AUH: variants seen among roughly 807,000 people sequenced by gnomAD.
AUH encodes the protein AU RNA binding methylglutaconyl-CoA hydratase.
Under a neutral mutation model 42.3 loss-of-function variants are expected in AUH, and 29 were observed. The observed-to-expected ratio is 0.69, with a 90% CI of 0.51 to 0.93. The LOEUF is 0.93. Ranked by LOEUF, AUH falls within the 40% of genes least tolerant of loss-of-function variation. The pLI, the probability that AUH is intolerant of heterozygous loss-of-function variation, is 0.00. For missense variants in AUH, 452 were observed against 438.1 expected (o/e 1.03, Z -0.28); for synonymous variants, 174 against 166.4 (o/e 1.05, Z -0.35).
chr9:91,301,265 T>C (rs763957998), intron 4 of AUH, among the ~76,000 whole-genome samples: 6 of 152,228 alleles, frequency 3.9e-5, no homozygotes, highest in Non-Finnish European at 5.9e-5. Context: ...GGCCGTGATA[T>C]TATGAAATAC....
chr9:91,239,870 T>C (rs1828407585), intron 6 of AUH, among the ~76,000 whole-genome samples: 2 of 152,204 alleles, frequency 1.3e-5, no homozygotes, highest in East Asian at 3.9e-4. Context: ...TGGATTATGG[T>C]AGAGAAGCCT....
intron 8 of AUH, among the ~76,000 whole-genome samples, chr9:91,216,438 C>CGACA (rs1257771533): frequency 7.7e-6 from 1 of 130,670 alleles, no homozygotes; most frequent in East Asian, 3.4e-4. Context: ...CTTTATGTCG[C>CGACA]GACACACACA....
intron 6 of AUH, among the ~76,000 whole-genome samples, chr9:91,292,842 A>G (rs1468138970): frequency 1.3e-5 from 2 of 152,144 alleles, no homozygotes. Flanking sequence ...CACAGATACT[A>G]CATTTTTACA....
At chr9:91,351,074 ACT>A (rs1353351748) in intron 3 of AUH, among the ~76,000 whole-genome samples, 1 of 151,054 alleles carries the variant, frequency 6.6e-6, no homozygotes, top group African/African-American at 2.4e-5. Flanking sequence ...AGCTCATGCG[ACT>A]CTCCCACCTA....
intron 6 of AUH, among the ~76,000 whole-genome samples, chr9:91,241,477 G>A (rs1445851381): frequency 2.0e-5 from 3 of 151,972 alleles, no homozygotes; most frequent in African/African-American, 4.8e-5. Context: ...GGCTAGGCTG[G>A]ATATTTTTTC....
intron 6 of AUH, among the ~76,000 whole-genome samples, chr9:91,229,045 A>G (rs1210488015): frequency 6.6e-6 from 1 of 151,388 alleles, no homozygotes; most frequent in East Asian, 1.9e-4. Flanking sequence ...TTTGGGGTGG[A>G]GAGTTCTGTA....
At chr9:91,297,090 T>G (rs1799480823) in intron 5 of AUH, among the ~76,000 whole-genome samples, 1 of 152,224 alleles carries the variant, frequency 6.6e-6, no homozygotes, top group Admixed American at 6.5e-5. Context: ...ATGGATATAG[T>G]GTCCACAACG....
At chr9:91,238,004 G>C (rs1054336074) in intron 6 of AUH, among the ~76,000 whole-genome samples, 1 of 152,162 alleles carries the variant, frequency 6.6e-6, no homozygotes, top group Non-Finnish European at 1.5e-5. Flanking sequence ...AGGGAGTATG[G>C]GGAATGAGTT....
chr9:91,320,895 C>A (rs1346193793), intron 4 of AUH, among the ~76,000 whole-genome samples: 2 of 152,024 alleles, frequency 1.3e-5, no homozygotes, highest in East Asian at 1.9e-4. Flanking sequence ...TAACTTTTGT[C>A]TTTTTGACCT....
chr9:91,358,881 G>A (rs938507439), intron 1 of AUH, among the ~76,000 whole-genome samples: 1 of 152,040 alleles, frequency 6.6e-6, no homozygotes, highest in African/African-American at 2.4e-5. Flanking sequence ...TAGGCTTTTG[G>A]TATTCTAAAA....
At chr9:91,359,757 A>C (rs1162033099) in intron 1 of AUH, among the ~76,000 whole-genome samples, 2 of 152,184 alleles carry the variant, frequency 1.3e-5, no homozygotes, top group South Asian at 2.1e-4. Flanking sequence ...TATTCCTTAG[A>C]GGCTGCTGAG....
chr9:91,346,780 T>G (rs1339408279), intron 3 of AUH, among the ~76,000 whole-genome samples: 1 of 151,878 alleles, frequency 6.6e-6, no homozygotes, highest in Non-Finnish European at 1.5e-5. Context: ...GCAACCCATA[T>G]GTCTGAAACA....
At chr9:91,257,426 C>G (rs997013651) in intron 6 of AUH, among the ~76,000 whole-genome samples, 1 of 152,114 alleles carries the variant, frequency 6.6e-6, no homozygotes, top group African/African-American at 2.4e-5. Flanking sequence ...AGAACAGGAG[C>G]AGCAGCAGTG....
At chr9:91,243,459 T>C (rs1236523833) in intron 6 of AUH, among the ~76,000 whole-genome samples, 1 of 152,126 alleles carries the variant, frequency 6.6e-6, no homozygotes, top group Non-Finnish European at 1.5e-5. Context: ...TGGAGAGAAA[T>C]GAATTACACG....
intron 3 of AUH, among the ~76,000 whole-genome samples, chr9:91,349,421 A>G (rs1343189689): frequency 6.6e-6 from 1 of 152,252 alleles, no homozygotes; most frequent in East Asian, 1.9e-4. Context: ...ACAAAATTTC[A>G]TTTCAAAAAT....
At chr9:91,312,405 C>T (rs907219242) in intron 4 of AUH, among the ~76,000 whole-genome samples, 1 of 152,088 alleles carries the variant, frequency 6.6e-6, no homozygotes, top group East Asian at 1.9e-4. Context: ...TTTAAAGATG[C>T]CTATGGTTCA....
intron 6 of AUH, among the ~76,000 whole-genome samples, chr9:91,274,916 T>C (rs986448331): frequency 6.6e-6 from 1 of 152,186 alleles, no homozygotes; most frequent in African/African-American, 2.4e-5. Context: ...ATCTGAAACT[T>C]GCTCTCTAAG....
At chr9:91,258,943 C>T (rs1829555241) in intron 6 of AUH, among the ~76,000 whole-genome samples, 1 of 152,076 alleles carries the variant, frequency 6.6e-6, no homozygotes, top group East Asian at 1.9e-4. Context: ...TTTGTTAGGA[C>T]TTTTACACCT....
At chr9:91,258,324 C>T (rs1829519909) in intron 6 of AUH, among the ~76,000 whole-genome samples, 1 of 151,144 alleles carries the variant, frequency 6.6e-6, no homozygotes. Context: ...CAAACCTCCA[C>T]CTCCTGGGTT....
Sources: allele counts gnomAD v4.1 joint callset (sites outside exome capture counted in the v4.1 genomes callset), GRCh38; gene constraint gnomAD v4.1.1; transcripts MANE v1.5; gene names NCBI Gene and HGNC (gene_info 2026-07-23, HGNC 2026-07-21).